Variants in DYNC2H1 observed in about 807,000 individuals in gnomAD.
The protein encoded by DYNC2H1 is dynein cytoplasmic 2 heavy chain 1.
A neutral mutation model predicts 570.0 loss-of-function variants in DYNC2H1; 410 were observed. That is an observed-to-expected ratio of 0.72 (90% CI 0.66 to 0.78). DYNC2H1 has a LOEUF of 0.78. Ranked by LOEUF, DYNC2H1 falls within the 30% of genes least tolerant of loss-of-function variation. The pLI is 0.00. For synonymous variants in DYNC2H1, 1,688 were observed against 1,677.6 expected (o/e 1.01, Z -0.15); for missense variants, 4,865 against 5,046.4 (o/e 0.96, Z 1.09).
intron 75 of DYNC2H1, among the ~76,000 whole-genome samples, chr11:103,291,983 T>A (rs985567218): frequency 1.3e-5 from 2 of 152,132 alleles, no homozygotes; most frequent in Non-Finnish European, 2.9e-5. Context: ...AGCATAAAGT[T>A]GGGTCTTATT....
intron 84 of DYNC2H1, among the ~76,000 whole-genome samples, chr11:103,430,741 G>T: frequency 3.2e-5 from 1 of 31,288 alleles, no homozygotes. Context: ...GTCTTTACCT[G>T]ACTATTATAG....
chr11:103,462,116 A>G (rs1326873043), intron 87 of DYNC2H1, among the ~76,000 whole-genome samples: 2 of 152,146 alleles, frequency 1.3e-5, no homozygotes, highest in African/African-American at 2.4e-5. Context: ...ATGTGCCTTA[A>G]GTCTTTTTAT....
intron 83 of DYNC2H1, among the ~76,000 whole-genome samples, chr11:103,385,995 A>G (rs1045350199): frequency 1.3e-5 from 2 of 152,180 alleles, no homozygotes; most frequent in African/African-American, 4.8e-5. Context: ...TTAATAAGCA[A>G]TCTGATCTAG....
intron 82 of DYNC2H1, among the ~76,000 whole-genome samples, chr11:103,345,917 G>A (rs1939719710): frequency 6.6e-6 from 1 of 152,166 alleles, no homozygotes; most frequent in Non-Finnish European, 1.5e-5. Context: ...ATTAGCTTTA[G>A]TTCTGTAAAA....
intron 85 of DYNC2H1, among the ~76,000 whole-genome samples, chr11:103,443,242 C>G (rs1327670413): frequency 6.6e-6 from 1 of 151,990 alleles, no homozygotes; most frequent in Non-Finnish European, 1.5e-5. Context: ...ATTTGTTCCA[C>G]TGTCAATAAT....
chr11:103,436,197 AT>A (rs140294172), intron 85 of DYNC2H1, among the ~76,000 whole-genome samples, 165 bp downstream of exon 85: 158 of 145,094 alleles, frequency 1.1e-3, no homozygotes, highest in African/African-American at 1.2e-3. Flanking sequence ...GCACTGTTCT[AT>A]TTTTTTTTTT....
Position 103,156,839 on chromosome 11 carries a change from C to T in DYNC2H1, c.4127+69C>T, listed in dbSNP as rs192354913. The T allele has an allele frequency of 6.3e-4, 968 of 1,539,304 alleles. 3 individuals carry two copies. Among genetic ancestry groups the T allele is most frequent in the Middle Eastern group, 4.0e-3 (23 of 5,806 alleles). On this transcript the variant is annotated intron_variant, in intron 26 of 88. Coordinates refer to ENST00000375735, the MANE Select transcript of DYNC2H1 (RefSeq NM_001377.3). ...TTAAATTAATTCATATTGTGAAGTG[C>T]TTAATACAGGCAAATTACTTTTACA...
intron 87 of DYNC2H1, among the ~76,000 whole-genome samples, chr11:103,458,169 G>T (rs901211203): frequency 6.6e-6 from 1 of 152,038 alleles, no homozygotes; most frequent in African/African-American, 2.4e-5. Context: ...CCCTGAACAG[G>T]TATAGGATTT....
chr11:103,169,841 T>G (rs932258326), intron 32 of DYNC2H1, among the ~76,000 whole-genome samples: 4 of 152,206 alleles, frequency 2.6e-5, no homozygotes, highest in Non-Finnish European at 5.9e-5. Flanking sequence ...TATATCTTTG[T>G]GCCATTAACA....
intron 40 of DYNC2H1, among the ~76,000 whole-genome samples, chr11:103,182,369 C>G (rs1307232536): frequency 6.6e-6 from 1 of 151,126 alleles, no homozygotes; most frequent in Non-Finnish European, 1.5e-5. Flanking sequence ...GAAGTTAGCA[C>G]TAAACTAGAA....
chr11:103,159,124 C>CT, intron 28 of DYNC2H1, 97 bp downstream of exon 28: 5 of 881,348 alleles, frequency 5.7e-6, no homozygotes, highest in South Asian at 1.7e-5. Context: ...ATACAGCAGT[C>CT]AGTTCATATA....
intron 80 of DYNC2H1, among the ~76,000 whole-genome samples, chr11:103,317,014 A>G (rs914868049): frequency 3.9e-5 from 6 of 152,142 alleles, no homozygotes; most frequent in Non-Finnish European, 8.8e-5. Context: ...GGTACAAATA[A>G]TAGATTGAAA....
intron 84 of DYNC2H1, among the ~76,000 whole-genome samples, chr11:103,410,086 G>T (rs1465361227): frequency 4.6e-5 from 7 of 151,972 alleles, no homozygotes; most frequent in East Asian, 1.9e-4. Flanking sequence ...GGGTACTTTG[G>T]ATTAAGCTAC....
At chr11:103,210,902 G>A (rs188417807) in intron 53 of DYNC2H1, among the ~76,000 whole-genome samples, 241 of 152,166 alleles carry the variant, frequency 1.6e-3, no homozygotes, top group African/African-American at 5.7e-3. Flanking sequence ...GCAGGTGATA[G>A]GGTATTATTG....
intron 75 of DYNC2H1, 73 bp from the exon 76 acceptor site, chr11:103,303,020 T>C (rs1475899195): frequency 3.6e-5 from 41 of 1,148,582 alleles, no homozygotes; most frequent in East Asian, 5.5e-5. Context: ...TTATATATCA[T>C]ATAATTAGAT....
intron 55 of DYNC2H1, 29 bp from the exon 56 acceptor site, chr11:103,219,886 A>T (rs1863522373): frequency 1.6e-6 from 2 of 1,280,430 alleles, no homozygotes; most frequent in African/African-American, 1.6e-5. Flanking sequence ...ATTAAAATTG[A>T]TTGGAATGCC....
chr11:103,161,013 AAAATAAAGTTCCTCTATC>A lies in DYNC2H1; in HGVS notation c.4467_4484del (p.Lys1489_Asn1494del). On this transcript the variant is annotated inframe_deletion, in exon 29 of 89. Coordinates refer to ENST00000375735, the MANE Select transcript of DYNC2H1 (RefSeq NM_001377.3). ...TTAGAGGGAGAAGTTGTACCTTTTAAAAATAAAGTTCCTCTATCAAATAATGTAGAGGTAAGCAATTCT... is the reference window on the plus strand; with the variant it reads ...TTAGAGGGAGAAGTTGTACCTTTTAAAAATAATGTAGAGGTAAGCAATTCT... 1 of 1,536,800 alleles carries A rather than the reference AAAATAAAGTTCCTCTATC, an allele frequency of 6.5e-7. No individual in the cohort carries two copies. The highest frequency in any genetic ancestry group is 8.7e-7 in the Non-Finnish European group (1 of 1,145,302).
intron 32 of DYNC2H1, among the ~76,000 whole-genome samples, chr11:103,169,414 T>G (rs1861476844): frequency 6.6e-6 from 1 of 152,180 alleles, no homozygotes; most frequent in Non-Finnish European, 1.5e-5. Context: ...GTAAACATGT[T>G]CTCAAAAATT....
At chr11:103,404,155 C>T (rs1009843548) in intron 84 of DYNC2H1, 4 of 151,884 alleles carry the variant, frequency 2.6e-5, no homozygotes, top group Admixed American at 6.6e-5. Context: ...CCTAACTGAA[C>T]TGCATGAGCC....
Sources: allele counts gnomAD v4.1 joint callset (sites outside exome capture counted in the v4.1 genomes callset), GRCh38; gene constraint gnomAD v4.1.1; transcripts MANE v1.5; gene names NCBI Gene and HGNC (gene_info 2026-07-23, HGNC 2026-07-21).